Variants in DCBLD1 observed in about 807,000 individuals in gnomAD.
The protein encoded by DCBLD1 is discoidin, CUB and LCCL domain containing 1.
DCBLD1 carries 57 observed loss-of-function variants against 71.5 expected under a neutral mutation model. The observed-to-expected ratio is 0.80, with a 90% confidence interval of 0.64 to 0.99. DCBLD1 has a LOEUF of 0.99. DCBLD1 is among the 50% of genes least tolerant of loss of function. DCBLD1 has a pLI of 0.00. For synonymous variants in DCBLD1, 380 were observed against 363.8 expected, an observed-to-expected ratio of 1.04 and a Z score of -0.51; for missense variants, 891 against 923.5, an observed-to-expected ratio of 0.96 and a Z score of 0.46.
At chr6:117,507,255 T>C (rs1011176351) in intron 2 of DCBLD1, among the ~76,000 whole-genome samples, 27 of 152,248 alleles carry the variant, frequency 1.8e-4, no homozygotes, top group African/African-American at 6.5e-4. Flanking sequence ...TTGGGTATTT[T>C]GGTAATTCAC....
intron 14 of DCBLD1, among the ~76,000 whole-genome samples, chr6:117,568,542 A>G (rs150421437): frequency 1.2e-4 from 19 of 152,356 alleles, no homozygotes; most frequent in Non-Finnish European, 2.6e-4. Context: ...ATGGATTGAT[A>G]AAACACTAAC....
chr6:117,492,320 A>G (rs1019911427), intron 1 of DCBLD1, among the ~76,000 whole-genome samples: 1 of 152,222 alleles, frequency 6.6e-6, no homozygotes, highest in Admixed American at 6.5e-5. Context: ...AGAGCTATTG[A>G]GGGAACTGAG....
rs372836870 is a variant in DCBLD1 at position 117,544,594 on chromosome 6, A to G, written c.1495+17A>G. 1.3e-5 allele frequency: 21 copies of G among 1,613,590 alleles called. No homozygotes were observed. Among genetic ancestry groups the G allele is most frequent in the African/African-American group, 6.7e-5 (5 of 74,926 alleles). ...AGAAAACAGGTTGGTTGAAAACTCT[A>G]TCTACAATTTTATCTGTCTTTGAGG... On this transcript the variant is annotated intron_variant, in intron 13 of 14. Transcript: ENST00000338728.
In DCBLD1 at chr6:117,532,396, A is replaced by G. The variant is rs769039254; in HGVS notation, c.719+3A>G. Reference sequence around the variant, plus strand: ...GCCAATGGTGTTCTTTCGAGGGAGTAAGTATTTTTTTTCAGTATCGTTTGT... The same window carrying G: ...GCCAATGGTGTTCTTTCGAGGGAGTGAGTATTTTTTTTCAGTATCGTTTGT... On this transcript the variant is annotated splice_donor_region_variant and intron_variant, in intron 6 of 14. Transcript: ENST00000338728. 1.4e-5 allele frequency: 23 copies of G among 1,601,022 alleles called. No individual in the cohort carries two copies. The highest frequency in any genetic ancestry group is 7.9e-5 in the South Asian group (7 of 88,280).
At chr6:117,558,454 C>T (rs1489631394) in intron 14 of DCBLD1, among the ~76,000 whole-genome samples, 1 of 152,184 alleles carries the variant, frequency 6.6e-6, no homozygotes, top group Non-Finnish European at 1.5e-5. Context: ...ATAATTTTTT[C>T]CAATTTAAAT....
At chr6:117,560,482 T>C (rs1380459225) in intron 14 of DCBLD1, 6 of 193,438 alleles carry the variant, frequency 3.1e-5, no homozygotes, top group Non-Finnish European at 6.5e-5. Flanking sequence ...TCAAATACTG[T>C]GCATCTTACA....
chr6:117,512,977 A>G (rs924488727), intron 2 of DCBLD1, among the ~76,000 whole-genome samples: 5 of 152,154 alleles, frequency 3.3e-5, no homozygotes, highest in African/African-American at 1.2e-4. Flanking sequence ...TCTATATATA[A>G]AACAATAACT....
chr6:117,496,425 A>G (rs1482271123), intron 1 of DCBLD1, among the ~76,000 whole-genome samples: 2 of 152,224 alleles, frequency 1.3e-5, no homozygotes, highest in African/African-American at 4.8e-5. Flanking sequence ...GCACAATTGA[A>G]GAAGAGCAAA....
chr6:117,538,068 C>A (rs1778960285), intron 7 of DCBLD1, among the ~76,000 whole-genome samples: 1 of 152,160 alleles, frequency 6.6e-6, no homozygotes, highest in Admixed American at 6.5e-5. Flanking sequence ...TTAGCATAAA[C>A]CGTTTCAAGG....
intron 1 of DCBLD1, among the ~76,000 whole-genome samples, chr6:117,502,190 T>C (rs1169977700): frequency 6.6e-6 from 1 of 152,216 alleles, no homozygotes; most frequent in East Asian, 1.9e-4. Context: ...ACTCAAAAAA[T>C]TCTATGTGTC....
At chr6:117,504,852 A>G (rs1025843449) in intron 2 of DCBLD1, among the ~76,000 whole-genome samples, 11 of 152,194 alleles carry the variant, frequency 7.2e-5, no homozygotes, top group Non-Finnish European at 1.5e-4. Flanking sequence ...TTCTCTGTGC[A>G]CACAACTTTT....
rs769424706 is a variant in DCBLD1, at chr6:117,566,862, A to G, written c.1616-2758A>G. ...TTTAGAGTGATTTTTACCTTGTAATACTTTGATTTCCCCACTTGTGTCTTT... is the reference window on the plus strand; with the variant it reads ...TTTAGAGTGATTTTTACCTTGTAATGCTTTGATTTCCCCACTTGTGTCTTT... On this transcript the variant is annotated intron_variant, in intron 14 of 14. Coordinates refer to the DCBLD1 transcript ENST00000296955. The G allele has an allele frequency of 3.8e-6, 6 of 1,566,518 alleles. 1 individual carries two copies. The South Asian group carries it at 7.4e-5, about 19-fold the overall frequency.
At chr6:117,521,608 C>G in intron 4 of DCBLD1, 32 bp downstream of exon 4, 3 of 1,529,404 alleles carry the variant, frequency 2.0e-6, no homozygotes, top group Non-Finnish European at 2.6e-6. Context: ...GTGTTGCAGT[C>G]GTGTATTGCT....
intron 3 of DCBLD1, among the ~76,000 whole-genome samples, chr6:117,521,304 G>A (rs1387059088): frequency 1.3e-5 from 2 of 152,140 alleles, no homozygotes; most frequent in Non-Finnish European, 2.9e-5. Context: ...AGGTGATTGT[G>A]TTGAAAAACT....
intron 1 of DCBLD1, among the ~76,000 whole-genome samples, chr6:117,501,008 G>A (rs1395257803): frequency 2.0e-5 from 3 of 148,400 alleles, no homozygotes; most frequent in Non-Finnish European, 4.5e-5. Flanking sequence ...AAAAAAAAAA[G>A]TTTTTCTCTT....
chr6:117,546,767 G>A (rs1202673073), intron 14 of DCBLD1, among the ~76,000 whole-genome samples: 1 of 151,934 alleles, frequency 6.6e-6, no homozygotes, highest in Non-Finnish European at 1.5e-5. Flanking sequence ...CTGCATGTTT[G>A]TCCATGCTGC....
rs1319934288 is a variant in DCBLD1, at chr6:117,569,836, A to G, written c.*212A>G. ...ATTTTCTTAAAAATATATTTCATTA[A>G]ACACCTATGCTGTCTCTATAAATGC... On this transcript the variant is annotated 3_prime_UTR_variant, in exon 15 of 15. Coordinates refer to the DCBLD1 transcript ENST00000296955. The G allele has an allele frequency of 3.1e-6, 4 of 1,278,060 alleles. No homozygotes were observed. In the Admixed American group the frequency reaches 9.7e-5, roughly 31 times the overall value. The allele number at this position is 1,278,060 out of a possible 1,614,324, so 79.2% of individuals were successfully genotyped here. A position where few individuals can be genotyped will look rare whatever the true frequency, so the allele number is the denominator to read the frequency against.
intron 7 of DCBLD1, 129 bp from the exon 8 acceptor site, chr6:117,538,491 A>T: frequency 1.2e-6 from 1 of 829,702 alleles, no homozygotes; most frequent in Non-Finnish European, 1.9e-6. Context: ...GCTGGTAATT[A>T]AACACTTTAT....
chr6:117,558,280 GCTGC>G (rs1184126691), intron 14 of DCBLD1, among the ~76,000 whole-genome samples: 1 of 152,206 alleles, frequency 6.6e-6, no homozygotes, highest in Non-Finnish European at 1.5e-5. Flanking sequence ...CTCCTTGGGA[GCTGC>G]CCCCCTCCAT....
Sources: gnomAD v4.1 joint callset for allele counts (sites outside exome capture counted in the v4.1 genomes callset) on GRCh38, gnomAD v4.1.1 for gene constraint, MANE v1.5 for transcripts, NCBI Gene and HGNC (gene_info 2026-07-23, HGNC 2026-07-21) for gene names.